USP43: variants seen among roughly 807,000 people sequenced by gnomAD.
USP43 encodes ubiquitin specific peptidase 43.
In USP43, 33 loss-of-function variants were observed where a neutral mutation model predicts 90.7. The observed-to-expected ratio is 0.36, with a 90% CI of 0.28 to 0.49. The LOEUF is 0.49. Ranked by LOEUF, USP43 falls within the 20% of genes least tolerant of loss-of-function variation. The probability of loss-of-function intolerance (pLI) is 0.98; values close to 1 mark genes in which losing one functional copy is unlikely to be tolerated. For synonymous variants in USP43, 598 were observed against 615.8 expected, an observed-to-expected ratio of 0.97 and a Z score of 0.43; for missense variants, 1,274 against 1,476.4, an observed-to-expected ratio of 0.86 and a Z score of 2.25.
At chr17:9,708,105 T>C (rs1231199163) in intron 12 of USP43, among the ~76,000 whole-genome samples, 1 of 152,200 alleles carries the variant, frequency 6.6e-6, no homozygotes, top group Non-Finnish European at 1.5e-5. Flanking sequence ...TCGTAGCATG[T>C]GCAAAGGCCC....
chr17:9,699,813 C>T (rs1189552411), intron 9 of USP43, among the ~76,000 whole-genome samples: 2 of 152,138 alleles, frequency 1.3e-5, no homozygotes. Flanking sequence ...CTTTGGGCAT[C>T]ATCAGTATTG....
Position 9,645,682 on chromosome 17 carries a change from G to C in USP43, c.50G>C (p.Arg17Pro). 1 of 1,285,600 alleles carries C rather than the reference G, an allele frequency of 7.8e-7. No homozygotes were observed. The highest frequency in any genetic ancestry group is 9.8e-7 in the Non-Finnish European group (1 of 1,022,852). The allele number at this position is 1,285,600 out of a possible 1,614,324, so 79.6% of individuals were successfully genotyped here. A position where few individuals can be genotyped will look rare whatever the true frequency, so the allele number is the denominator to read the frequency against. ...GCAGGAGGGGGACCGCTCGCGCCCC[G>C]GCCCCGCCGCCGCCGCTCCCTGCGC... is the stretch of plus-strand genomic sequence containing the variant. ...DAAGGGPLAP[R>P]PRRRRSLRRL... Residue 17 changes from arginine to proline, a missense_variant, in exon 1 of 15, where the codon CGG (arginine) becomes CCG (proline). Coordinates refer to ENST00000285199, the MANE Select transcript of USP43 (RefSeq NM_153210.5). The surrounding 1 kb of genome is among the most constrained non-coding windows in gnomAD (Gnocchi z 6.8).
chr17:9,719,631 G>T (rs1350413844), intron 14 of USP43, among the ~76,000 whole-genome samples: 2 of 152,220 alleles, frequency 1.3e-5, no homozygotes, highest in African/African-American at 4.8e-5. Context: ...AGGCTCTGTA[G>T]ACATACATTC....
chr17:9,712,763 T>A (rs1916277522), intron 14 of USP43, among the ~76,000 whole-genome samples: 1 of 149,936 alleles, frequency 6.7e-6, no homozygotes. Context: ...CTAAGTGTAG[T>A]GGATAGCGAG....
At chr17:9,718,305 T>C (rs1289982251) in intron 14 of USP43, among the ~76,000 whole-genome samples, 1 of 152,192 alleles carries the variant, frequency 6.6e-6, no homozygotes, top group Non-Finnish European at 1.5e-5. Flanking sequence ...TGCAAAGATT[T>C]ACTACACCAG....
At chr17:9,716,343 G>A (rs2151998133) in intron 14 of USP43, among the ~76,000 whole-genome samples, 1 of 152,042 alleles carries the variant, frequency 6.6e-6, no homozygotes, top group Admixed American at 6.6e-5. Context: ...AATACTTAAA[G>A]TATATTAAGT....
intron 14 of USP43, among the ~76,000 whole-genome samples, chr17:9,714,848 T>G (rs897986594): frequency 6.6e-5 from 10 of 151,736 alleles, no homozygotes; most frequent in African/African-American, 2.4e-4. Flanking sequence ...AAGAGAATCT[T>G]AAGGAAGCAG....
rs1567660788 is a variant in USP43, at chr17:9,681,188, TATAA to T, written c.1105+823_1105+826del. On this transcript the variant is annotated intron_variant, in intron 6 of 14. Transcript: ENST00000285199. ...ATAATATATACTATATAATATACTA[TATAA>T]TATATACTATATAATATATACATTA... Among the ~76,000 whole-genome samples, 276 of 65,784 alleles carry T rather than the reference TATAA, an allele frequency of 4.2e-3. 32 individuals carry two copies. Among genetic ancestry groups the T allele is most frequent in the African/African-American group, 0.023 (270 of 11,814 alleles). The allele number at this position is 65,784 out of a possible 152,430, so 43.2% of individuals were successfully genotyped here. A position where few individuals can be genotyped will look rare whatever the true frequency, so the allele number is the denominator to read the frequency against.
intron 1 of USP43, among the ~76,000 whole-genome samples, chr17:9,646,506 G>A (rs1273113845): frequency 1.3e-5 from 2 of 152,100 alleles, no homozygotes; most frequent in Non-Finnish European, 2.9e-5. Context: ...GATGTTGAAG[G>A]CCAAGGCCTC....
At chr17:9,683,181 G>A (rs1188688146) in intron 7 of USP43, among the ~76,000 whole-genome samples, 2 of 152,112 alleles carry the variant, frequency 1.3e-5, no homozygotes, top group Non-Finnish European at 2.9e-5. Context: ...CTATTAATCG[G>A]AGGAACAATT....
Position 9,645,971 on chromosome 17 carries a change from C to G in USP43, c.339C>G (p.Asn113Lys). 1 of 1,473,310 alleles carries G rather than the reference C, an allele frequency of 6.8e-7. No individual in the cohort carries two copies. The highest frequency in any genetic ancestry group is 9.0e-7 in the Non-Finnish European group (1 of 1,116,038). 91.3% of individuals were successfully genotyped at this position (1,473,310 alleles called of 1,614,324 possible). Residue 113 changes from asparagine (N) to lysine (K), a missense_variant, in exon 1 of 15, where the codon AAC becomes AAG. Physicochemically the swap from Asn to Lys is moderately conservative, Grantham distance 94. This residue lies in a region of USP43 where 259 missense variants were observed against 373.7 expected (regional missense o/e 0.69). Coordinates refer to ENST00000285199, the MANE Select transcript of USP43 (RefSeq NM_153210.5). This position sits in a 1 kb window ranked among gnomAD's most constrained non-coding sequence, Gnocchi z 6.8. ...LKNHGNTCFMNAVVQCLSNTD... is the reference protein window; with the variant it reads ...LKNHGNTCFMKAVVQCLSNTD... ...ACCACGGCAACACCTGTTTCATGAA[C>G]GCGGTGGTGCAGTGTCTCAGCAACA...
chr17:9,715,959 A>T (rs1916535719), intron 14 of USP43, among the ~76,000 whole-genome samples: 1 of 132,898 alleles, frequency 7.5e-6, no homozygotes, highest in Admixed American at 7.4e-5. Context: ...ATGTGTATGT[A>T]TCTGTGTATA....
At chr17:9,713,341 G>C (rs530945604) in intron 14 of USP43, among the ~76,000 whole-genome samples, 2 of 151,924 alleles carry the variant, frequency 1.3e-5, no homozygotes, top group Admixed American at 1.3e-4. Flanking sequence ...TGCCTGCCTC[G>C]GCCTCCCAAA....
At chr17:9,677,796 A>T (rs1034433255) in intron 5 of USP43, among the ~76,000 whole-genome samples, 6 of 152,220 alleles carry the variant, frequency 3.9e-5, no homozygotes, top group Admixed American at 6.5e-5. Flanking sequence ...CATGCCACAC[A>T]TACAATAACG....
At position 9,701,762 on chromosome 17, in the gene USP43, AAT is replaced by A; in HGVS notation, c.2011+63_2011+64del. ...GGCCACAGCCTCGAGATGTCCCTGG[AAT>A]GGGTGTTGCTCAGATGCTGAGCTCC... On this transcript the variant is annotated intron_variant, in intron 12 of 14. Coordinates refer to ENST00000285199, the MANE Select transcript of USP43 (RefSeq NM_153210.5). The surrounding 1 kb of genome is among the most constrained non-coding windows in gnomAD (Gnocchi z 7.2). 5.0e-6 allele frequency: 7 copies of A among 1,405,288 alleles called. No homozygotes were observed. The highest frequency in any genetic ancestry group is 6.7e-6 in the Non-Finnish European group (7 of 1,049,004). The allele number at this position is 1,405,288 out of a possible 1,614,324, so 87.1% of individuals were successfully genotyped here. A position where few individuals can be genotyped will look rare whatever the true frequency, so the allele number is the denominator to read the frequency against.
In USP43 at chr17:9,728,695, T is replaced by C. The variant is rs571702794; in HGVS notation, c.3077T>C (p.Val1026Ala). ...CCACAGGTGCCCCCCGTCTCCCTGG[T>C]GAGTGGCGGGCTGAGCCCTGCCATG... is the stretch of plus-strand genomic sequence containing the variant. ...VSPQVPPVSL[V>A]SGGLSPAMDG... The change falls in exon 15 of 15, where the codon GTG (valine) becomes GCG (alanine). Residue 1026 changes from valine to alanine, a missense_variant. Coordinates refer to ENST00000285199, the MANE Select transcript of USP43 (RefSeq NM_153210.5). This position sits in a 1 kb window ranked among gnomAD's most constrained non-coding sequence, Gnocchi z 6.2. 7 of 1,610,810 alleles carry C rather than the reference T, an allele frequency of 4.3e-6. 1 individual carries two copies. In the African/African-American group the frequency reaches 8.0e-5, roughly 18 times the overall value.
intron 2 of USP43, among the ~76,000 whole-genome samples, chr17:9,659,604 C>G (rs1567648727): frequency 6.6e-6 from 1 of 152,120 alleles, no homozygotes; most frequent in Non-Finnish European, 1.5e-5. Flanking sequence ...ACTCTCTCCT[C>G]TCCCTGGCTG....
rs1486370195 is a variant in USP43, at chr17:9,680,857, T to G, written c.1105+491T>G. On this transcript the variant is annotated intron_variant, in intron 6 of 14. Transcript: ENST00000285199. ...GTTAAAGTTTTATTAAATGACTTTTTAACAAAATAGTTCCACTTCTTAATG... is the reference window on the plus strand; with the variant it reads ...GTTAAAGTTTTATTAAATGACTTTTGAACAAAATAGTTCCACTTCTTAATG... 2.4e-4 allele frequency among the ~76,000 whole-genome samples: 37 copies of G among 151,524 alleles called. 1 individual carries two copies. In the Admixed American group the frequency reaches 2.5e-3, roughly 10 times the overall value.
At chr17:9,685,559 C>G (rs886737906) in intron 7 of USP43, among the ~76,000 whole-genome samples, 2 of 152,220 alleles carry the variant, frequency 1.3e-5, no homozygotes, top group Non-Finnish European at 2.9e-5. Context: ...GTTTACACAG[C>G]AGCATCTACC....
Sources: allele counts gnomAD v4.1 joint callset (sites outside exome capture counted in the v4.1 genomes callset), GRCh38; gene constraint gnomAD v4.1.1; regional missense constraint gnomAD v4.1.1; non-coding constraint Gnocchi (gnomAD v3.1); transcripts MANE v1.5; gene names NCBI Gene and HGNC (gene_info 2026-07-23, HGNC 2026-07-21).